NCOA2: variants seen among roughly 807,000 people sequenced by gnomAD.
The protein encoded by NCOA2 is class E basic helix-loop-helix protein 75.
NCOA2 carries 21 observed loss-of-function variants against 145.1 expected under a neutral mutation model. The ratio of observed to expected loss-of-function variants is 0.14; its 90% CI spans 0.10 to 0.21. NCOA2 has a LOEUF of 0.21. Among genes scored for constraint, NCOA2 ranks in the 10% least tolerant of loss-of-function variants. The pLI, the probability that NCOA2 is intolerant of heterozygous loss-of-function variation, is 1.00. For synonymous variants in NCOA2, 619 were observed against 637.5 expected (o/e 0.97, Z 0.44); for missense variants, 1,472 against 1,837.6 (o/e 0.80, Z 3.64).
At chr8:70,447,396 A>G in the NCOA2 span, among the ~76,000 whole-genome samples, 1 of 152,184 alleles carries the variant, frequency 6.6e-6, no homozygotes, top group Non-Finnish European at 1.5e-5. Context: ...AACTTTTCCA[A>G]AAAGATCATG....
chr8:70,363,249 G>A (rs540247151), intron 1 of NCOA2, among the ~76,000 whole-genome samples: 11 of 152,016 alleles, frequency 7.2e-5, no homozygotes, highest in African/African-American at 2.2e-4. Context: ...CGGACGTGGT[G>A]GCGGGCGCCT....
At position 70,299,708 on chromosome 8, in the gene NCOA2, G is replaced by T. The variant is rs1437723628; in HGVS notation, c.-76-2908C>A. Among the ~76,000 whole-genome samples, 5 of 152,268 alleles carry T rather than the reference G, an allele frequency of 3.3e-5. No individual in the cohort carries two copies. In the East Asian group the frequency reaches 9.6e-4, roughly 29 times the overall value. On this transcript the variant is annotated intron_variant, in intron 1 of 22. Coordinates refer to ENST00000452400, the MANE Select transcript of NCOA2 (RefSeq NM_006540.4). ...CAGAACCCCTTTTAATCCACTGCTG[G>T]TAGAAAATGCAATAGTACAGTCATT...
chr8:70,439,344 G>A, the NCOA2 span, among the ~76,000 whole-genome samples: 1 of 152,164 alleles, frequency 6.6e-6, no homozygotes, highest in African/African-American at 2.4e-5. Context: ...TTCAAGAAGA[G>A]CAGTGCCCCA....
rs1159709797 is a variant in NCOA2 at position 70,162,847 on chromosome 8, G to A, written c.840C>T (p.Ile280=). The change falls in exon 9 of 23, where the codon ATC becomes ATT. Residue 280 remains isoleucine (I), a synonymous_variant. Transcript: ENST00000452400. ...FTTRQDLQGK[I]TSLDTSTMRA... ...TCATGGTGCTGGTATCCAGAGACGT[G>A]ATCTTGCCTATTAAGTAACAGCAGG... is the stretch of plus-strand genomic sequence containing the variant. 1.9e-6 allele frequency: 3 copies of A among 1,609,756 alleles called. No individual in the cohort carries two copies. The highest frequency in any genetic ancestry group is 2.5e-6 in the Non-Finnish European group (3 of 1,178,262).
In NCOA2 at chr8:70,149,541, A is replaced by G. The variant is rs982566408; in HGVS notation, c.2395-1058T>C. On this transcript the variant is annotated intron_variant, in intron 11 of 22. Coordinates refer to ENST00000452400, the MANE Select transcript of NCOA2 (RefSeq NM_006540.4). Reference sequence around the variant, plus strand: ...CAGGAGAGAGCCACCGTGCCTGTCTACAGAAGCCATAAAAAATGTTTTTAA... The same window carrying G: ...CAGGAGAGAGCCACCGTGCCTGTCTGCAGAAGCCATAAAAAATGTTTTTAA... 8.3e-4 allele frequency among the ~76,000 whole-genome samples: 126 copies of G among 151,572 alleles called. 1 individual carries two copies. The highest frequency in any genetic ancestry group is 3.0e-3 in the African/African-American group (122 of 41,318).
chr8:70,131,316 C>T (rs55690953), intron 16 of NCOA2, among the ~76,000 whole-genome samples: 2,886 of 152,238 alleles, frequency 0.019, 68 homozygotes, highest in East Asian at 0.084. Flanking sequence ...AGGTTTAACC[C>T]GCCATTTTTA....
chr8:70,428,680 A>G, the NCOA2 span, among the ~76,000 whole-genome samples: 8 of 152,200 alleles, frequency 5.3e-5, no homozygotes, highest in Admixed American at 2.6e-4. Context: ...GGAAGAAATT[A>G]TAATGTATCT....
chr8:70,293,104 C>T (rs143499467), intron 2 of NCOA2, among the ~76,000 whole-genome samples: 38 of 152,144 alleles, frequency 2.5e-4, no homozygotes, highest in African/African-American at 7.9e-4. Context: ...GAAGAAAATA[C>T]CACAAAAATA....
intron 1 of NCOA2, among the ~76,000 whole-genome samples, chr8:70,380,605 T>C (rs1291279439): frequency 6.6e-6 from 1 of 152,090 alleles, no homozygotes; most frequent in African/African-American, 2.4e-5. Flanking sequence ...TTCTCTCCCC[T>C]AGACTATATG....
intron 1 of NCOA2, among the ~76,000 whole-genome samples, chr8:70,304,590 T>C (rs142018780): frequency 0.03 from 4,497 of 152,096 alleles, 118 homozygotes; most frequent in Non-Finnish European, 0.041. Flanking sequence ...TTCAGCCTCC[T>C]GAGTGGCTAG....
intron 2 of NCOA2, among the ~76,000 whole-genome samples, chr8:70,243,093 T>C (rs1033043223): frequency 1.3e-5 from 2 of 152,088 alleles, no homozygotes; most frequent in African/African-American, 4.8e-5. Context: ...TTTAGATAAC[T>C]CAATATGTTA....
intron 1 of NCOA2, among the ~76,000 whole-genome samples, chr8:70,339,121 A>T (rs1035720782): frequency 1.2e-4 from 19 of 152,286 alleles, no homozygotes; most frequent in Admixed American, 9.8e-4. Context: ...AGGGTATTCA[A>T]ATAGGAAGAA....
chr8:70,343,759 C>T (rs1156887367), intron 1 of NCOA2, among the ~76,000 whole-genome samples: 3 of 149,916 alleles, frequency 2.0e-5, no homozygotes, highest in African/African-American at 7.4e-5. Context: ...TGCAGTGAGC[C>T]AAGATCGTGC....
At chr8:70,428,524 T>C in the NCOA2 span, among the ~76,000 whole-genome samples, 2 of 152,150 alleles carry the variant, frequency 1.3e-5, no homozygotes, top group East Asian at 1.9e-4. Context: ...CTCAGGAGGC[T>C]GAGGCAGGAG....
intron 1 of NCOA2, among the ~76,000 whole-genome samples, chr8:70,392,445 A>G (rs1379865794): frequency 6.6e-6 from 1 of 152,234 alleles, no homozygotes; most frequent in Admixed American, 6.5e-5. Flanking sequence ...ATTATTATTA[A>G]AAGGAGAAAT....
chr8:70,181,366 T>A (rs138583362), intron 4 of NCOA2, among the ~76,000 whole-genome samples: 1 of 152,240 alleles, frequency 6.6e-6, no homozygotes, highest in African/African-American at 2.4e-5. Flanking sequence ...TCTGAAGAGG[T>A]TGTAGAAAAC....
At chr8:70,454,272 C>T in the NCOA2 span, among the ~76,000 whole-genome samples, 16 of 152,174 alleles carry the variant, frequency 1.1e-4, no homozygotes, top group Admixed American at 8.5e-4. Flanking sequence ...TTTTGGAACA[C>T]AGTCAATTCA....
chr8:70,217,784 A>G (rs1370525618), intron 2 of NCOA2, among the ~76,000 whole-genome samples: 2 of 152,116 alleles, frequency 1.3e-5, no homozygotes, highest in African/African-American at 2.4e-5. Context: ...ACTGCTACTC[A>G]AGGTGTTCAA....
chr8:70,139,133 C>T (rs370040701), intron 14 of NCOA2, among the ~76,000 whole-genome samples: 8 of 152,184 alleles, frequency 5.3e-5, no homozygotes, highest in Non-Finnish European at 1.0e-4. Flanking sequence ...CGAAGTTCTT[C>T]GAAAGGCTTT....
Sources: gnomAD v4.1 joint callset for allele counts (sites outside exome capture counted in the v4.1 genomes callset) on GRCh38, gnomAD v4.1.1 for gene constraint, MANE v1.5 for transcripts, NCBI Gene and HGNC (gene_info 2026-07-23, HGNC 2026-07-21) for gene names.